The following CNTN5 variants were observed in gnomAD, a reference collection of about 807,000 sequenced individuals.
The protein encoded by CNTN5 is contactin-5.
Under a neutral mutation model 129.1 loss-of-function variants are expected in CNTN5, and 77 were observed. The observed-to-expected ratio is 0.60, with a 90% CI of 0.50 to 0.72. CNTN5 has a LOEUF of 0.72. Ranked by LOEUF, CNTN5 falls within the 30% of genes least tolerant of loss-of-function variation. The probability of loss-of-function intolerance (pLI) is 0.00; values close to 1 mark genes in which losing one functional copy is unlikely to be tolerated. For synonymous variants in CNTN5, 509 were observed against 465.6 expected (o/e 1.09, Z -1.20); for missense variants, 1,478 against 1,328.8 (o/e 1.11, Z -1.75).
intron 2 of CNTN5, among the ~76,000 whole-genome samples, chr11:99,337,258 G>C (rs1017356589): frequency 6.6e-6 from 1 of 152,076 alleles, no homozygotes. Flanking sequence ...CAGCTCGGTC[G>C]GGGAGACCCT....
chr11:99,809,877 G>A (rs1946379227), intron 3 of CNTN5, among the ~76,000 whole-genome samples: 1 of 152,072 alleles, frequency 6.6e-6, no homozygotes, highest in South Asian at 2.1e-4. Flanking sequence ...AATCATTACA[G>A]TTAAAACTTT....
intron 2 of CNTN5, among the ~76,000 whole-genome samples, chr11:99,453,845 T>C (rs796457931): frequency 2.0e-5 from 3 of 152,328 alleles, no homozygotes; most frequent in African/African-American, 7.2e-5. Flanking sequence ...ATTATTTGAA[T>C]AGGTCTTGCA....
At chr11:99,520,512 A>G (rs1033082311) in intron 2 of CNTN5, among the ~76,000 whole-genome samples, 1 of 152,130 alleles carries the variant, frequency 6.6e-6, no homozygotes, top group Admixed American at 6.6e-5. Context: ...TCTCTGGAAA[A>G]GAATTAAGCA....
chr11:99,404,228 T>C (rs1305601257), intron 2 of CNTN5, among the ~76,000 whole-genome samples: 3 of 152,144 alleles, frequency 2.0e-5, no homozygotes, highest in Admixed American at 6.5e-5. Context: ...CATCCGTTTA[T>C]TTTCAGACTA....
chr11:99,405,345 G>A (rs1290698261), intron 2 of CNTN5, among the ~76,000 whole-genome samples: 1 of 151,824 alleles, frequency 6.6e-6, no homozygotes, highest in Non-Finnish European at 1.5e-5. Flanking sequence ...TCTTAGGTTT[G>A]CCTTTTTGAG....
At chr11:99,232,579 T>C (rs1861058617) in intron 1 of CNTN5, among the ~76,000 whole-genome samples, 1 of 152,098 alleles carries the variant, frequency 6.6e-6, no homozygotes, top group Non-Finnish European at 1.5e-5. Context: ...TTCTAGATAT[T>C]GTATCATGTC....
At chr11:99,137,097 G>A (rs1288602963) in intron 1 of CNTN5, among the ~76,000 whole-genome samples, 1 of 152,112 alleles carries the variant, frequency 6.6e-6, no homozygotes, top group African/African-American at 2.4e-5. Flanking sequence ...TTGTATAGAA[G>A]CCTTCTGTTG....
chr11:99,122,228 CT>C (rs1207980603), intron 1 of CNTN5, among the ~76,000 whole-genome samples: 2 of 151,984 alleles, frequency 1.3e-5, no homozygotes, highest in African/African-American at 4.8e-5. Flanking sequence ...CTATCCCTTG[CT>C]TTAGGAACAG....
intron 3 of CNTN5, among the ~76,000 whole-genome samples, chr11:99,586,869 A>T (rs1280602568): frequency 6.6e-6 from 1 of 152,118 alleles, no homozygotes. Flanking sequence ...AAAGTAAAAA[A>T]CTCTAACTCA....
chr11:99,895,384 T>C (rs1379368167), intron 6 of CNTN5, among the ~76,000 whole-genome samples: 1 of 152,128 alleles, frequency 6.6e-6, no homozygotes, highest in Non-Finnish European at 1.5e-5. Context: ...TGAAGAGATA[T>C]CTCCTCAAGA....
At chr11:99,303,243 G>A (rs1864722309) in intron 1 of CNTN5, among the ~76,000 whole-genome samples, 3 of 151,564 alleles carry the variant, frequency 2.0e-5, no homozygotes, top group Admixed American at 2.0e-4. Context: ...TTAGGAAAAT[G>A]TTATTATACT....
At chr11:100,204,118 G>GTCTT (rs1045861117) in intron 15 of CNTN5, among the ~76,000 whole-genome samples, 26 of 149,992 alleles carry the variant, frequency 1.7e-4, no homozygotes, top group East Asian at 1.4e-3. Flanking sequence ...TCCTCTTCTA[G>GTCTT]TCTTTATGTT....
chr11:99,341,459 T>A (rs2136056192), intron 2 of CNTN5, among the ~76,000 whole-genome samples: 1 of 152,228 alleles, frequency 6.6e-6, no homozygotes, highest in African/African-American at 2.4e-5. Flanking sequence ...TATATGGAAT[T>A]TGTCATCAGG....
At chr11:100,159,995 G>A (rs1947389943) in intron 13 of CNTN5, among the ~76,000 whole-genome samples, 1 of 151,720 alleles carries the variant, frequency 6.6e-6, no homozygotes, top group South Asian at 2.1e-4. Flanking sequence ...TTGTTACATA[G>A]GTATACACGT....
chr11:99,704,043 G>T (rs1954646028), intron 3 of CNTN5, among the ~76,000 whole-genome samples: 1 of 149,522 alleles, frequency 6.7e-6, no homozygotes, highest in African/African-American at 2.4e-5. Flanking sequence ...AATTATATGT[G>T]TGTATATATA....
intron 13 of CNTN5, among the ~76,000 whole-genome samples, chr11:100,143,730 C>T (rs1032769349): frequency 5.9e-5 from 9 of 151,988 alleles, no homozygotes; most frequent in Non-Finnish European, 8.8e-5. Context: ...AATTTAGAGC[C>T]AGTGTGGCAA....
chr11:100,084,523 G>T (rs1354407603), intron 13 of CNTN5, among the ~76,000 whole-genome samples: 1 of 152,038 alleles, frequency 6.6e-6, no homozygotes, highest in Admixed American at 6.6e-5. Flanking sequence ...AGAATTAGAG[G>T]TTTGGTTACA....
chr11:99,427,635 A>G (rs992996954), intron 2 of CNTN5, among the ~76,000 whole-genome samples: 3 of 151,846 alleles, frequency 2.0e-5, no homozygotes, highest in African/African-American at 7.2e-5. Context: ...GCATGGTGGC[A>G]CACACCTGTA....
In CNTN5 at chr11:99,812,705, A is replaced by G. The variant is rs552198903; in HGVS notation, c.56-6839A>G. On this transcript the variant is annotated intron_variant, in intron 3 of 24. Coordinates refer to ENST00000524871, the MANE Select transcript of CNTN5 (RefSeq NM_014361.4). The stretch of plus-strand genomic sequence containing the variant: ...TCTGACTTTGGAACCTCTATTGCAA[A>G]CAGATTTACTGACAGAGCTAATCTC... Among the ~76,000 whole-genome samples, 4 of 152,202 alleles carry G rather than the reference A, an allele frequency of 2.6e-5. No homozygotes were observed. The South Asian group carries it at 8.3e-4, about 32-fold the overall frequency.
Sources: gnomAD v4.1 joint callset for allele counts (sites outside exome capture counted in the v4.1 genomes callset) on GRCh38, gnomAD v4.1.1 for gene constraint, MANE v1.5 for transcripts, NCBI Gene and HGNC (gene_info 2026-07-23, HGNC 2026-07-21) for gene names.